Variants in CTXND1 observed in about 807,000 individuals in gnomAD.
The protein encoded by CTXND1 is cortexin domain-containing 1 protein.
At chr15:80,202,110 C>T (rs965383404) in intron 2 of CTXND1, 96 bp from the exon 3 acceptor site, 3 of 395,674 alleles carry the variant, frequency 7.6e-6, no homozygotes, top group Middle Eastern at 6.3e-4. Flanking sequence ...TATCTGCTAC[C>T]CCTGCACCGA....
intron 1 of CTXND1, among the ~76,000 whole-genome samples, chr15:80,240,864 T>C (rs1893557382): frequency 6.6e-6 from 1 of 152,194 alleles, no homozygotes; most frequent in African/African-American, 2.4e-5. Flanking sequence ...AGCATCCGGA[T>C]ATCCTGGTAC....
At chr15:80,220,117 TC>T (rs1893296610) in intron 1 of CTXND1, among the ~76,000 whole-genome samples, 1 of 112,090 alleles carries the variant, frequency 8.9e-6, no homozygotes, top group Admixed American at 8.5e-5. Flanking sequence ...TATCTATCTA[TC>T]TATCTATCTA....
At chr15:80,219,146 C>T (rs184792343) in intron 1 of CTXND1, among the ~76,000 whole-genome samples, 2 of 149,964 alleles carry the variant, frequency 1.3e-5, no homozygotes, top group Admixed American at 6.6e-5. Context: ...GGTCTCACTA[C>T]GTTGCCCAGG....
intron 1 of CTXND1, among the ~76,000 whole-genome samples, chr15:80,204,169 A>AAATATATAT (rs1555443860): frequency 6.1e-5 from 4 of 65,194 alleles, no homozygotes; most frequent in Non-Finnish European, 4.9e-5. Flanking sequence ...AAAAAAAAAA[A>AAATATATAT]ATATATATAT....
intron 1 of CTXND1, among the ~76,000 whole-genome samples, chr15:80,239,274 T>C (rs574211519): frequency 6.6e-6 from 1 of 152,236 alleles, no homozygotes; most frequent in African/African-American, 2.4e-5. Flanking sequence ...CTATGCCCTC[T>C]GGTTACCACC....
intron 1 of CTXND1, among the ~76,000 whole-genome samples, chr15:80,209,630 G>C (rs934870847): frequency 6.6e-6 from 1 of 152,220 alleles, no homozygotes; most frequent in Admixed American, 6.5e-5. Context: ...CCTGCCAAAT[G>C]CTGTGAGAAA....
intron 1 of CTXND1, among the ~76,000 whole-genome samples, chr15:80,244,199 T>G (rs758506858): frequency 1.3e-5 from 2 of 152,336 alleles, no homozygotes; most frequent in East Asian, 3.9e-4. Flanking sequence ...ACGTAAGTAA[T>G]CCTACTTATA....
intron 1 of CTXND1, among the ~76,000 whole-genome samples, chr15:80,206,890 A>C (rs967194918): frequency 2.0e-5 from 3 of 152,118 alleles, no homozygotes; most frequent in Admixed American, 6.6e-5. Context: ...AAGGCTTCCC[A>C]CCAGTCCTTT....
At chr15:80,202,173 T>G (rs1262810931) in intron 2 of CTXND1, among the ~76,000 whole-genome samples, 159 bp from the exon 3 acceptor site, 2 of 145,362 alleles carry the variant, frequency 1.4e-5, no homozygotes, top group East Asian at 4.2e-4. Context: ...TGGGTACACA[T>G]GGACCCACAT....
chr15:80,223,560 C>A (rs184891280), intron 1 of CTXND1, among the ~76,000 whole-genome samples: 1 of 152,144 alleles, frequency 6.6e-6, no homozygotes, highest in African/African-American at 2.4e-5. Flanking sequence ...TATATGTATC[C>A]ATTTCTATTA....
intron 1 of CTXND1, among the ~76,000 whole-genome samples, chr15:80,230,747 G>A (rs1266462567): frequency 6.6e-6 from 1 of 152,082 alleles, no homozygotes; most frequent in African/African-American, 2.4e-5. Flanking sequence ...TTAAAAGTAT[G>A]GGTATTTAAA....
chr15:80,240,550 GA>G (rs1200840865), intron 1 of CTXND1, among the ~76,000 whole-genome samples: 1 of 152,206 alleles, frequency 6.6e-6, no homozygotes, highest in Non-Finnish European at 1.5e-5. Context: ...GTTAGCAATG[GA>G]ATCAGTTCCT....
chr15:80,216,181 TG>T (rs1893251156), intron 1 of CTXND1, among the ~76,000 whole-genome samples: 1 of 152,210 alleles, frequency 6.6e-6, no homozygotes, highest in African/African-American at 2.4e-5. Context: ...TCTCCAGGGC[TG>T]GGGCGGCACC....
intron 1 of CTXND1, among the ~76,000 whole-genome samples, chr15:80,238,461 G>A (rs530565235): frequency 1.3e-5 from 2 of 151,794 alleles, no homozygotes; most frequent in Admixed American, 6.6e-5. Flanking sequence ...AAGAAGCAGC[G>A]GGCAGACTTT....
intron 1 of CTXND1, among the ~76,000 whole-genome samples, chr15:80,230,037 C>A (rs140174492): frequency 6.6e-6 from 1 of 152,168 alleles, no homozygotes; most frequent in Non-Finnish European, 1.5e-5. Context: ...ATTATTTGAA[C>A]GACTTGGAAC....
At chr15:80,222,501 A>G (rs1301930386) in intron 1 of CTXND1, among the ~76,000 whole-genome samples, 1 of 152,138 alleles carries the variant, frequency 6.6e-6, no homozygotes, top group Non-Finnish European at 1.5e-5. Flanking sequence ...ACAATATCCA[A>G]TTCATGGTCA....
At chr15:80,250,259 G>A (rs555040166) in intron 1 of CTXND1, among the ~76,000 whole-genome samples, 1 of 152,064 alleles carries the variant, frequency 6.6e-6, no homozygotes, top group African/African-American at 2.4e-5. Context: ...GTAAGGAAAG[G>A]AACTGGAAAG....
intron 1 of CTXND1, among the ~76,000 whole-genome samples, chr15:80,213,910 T>C (rs1893225869): frequency 1.3e-5 from 2 of 152,058 alleles, no homozygotes; most frequent in Admixed American, 1.3e-4. Flanking sequence ...CAATAAAAAA[T>C]TGCTTGAAGA....
At chr15:80,202,091 G>T (rs752694681) in intron 2 of CTXND1, 77 bp from the exon 3 acceptor site, 47 of 396,756 alleles carry the variant, frequency 1.2e-4, no homozygotes, top group Non-Finnish European at 1.9e-4. Flanking sequence ...ACCAACCTCT[G>T]CTCCCTCTTA....
Sources: gnomAD v4.1 joint callset for allele counts (sites outside exome capture counted in the v4.1 genomes callset) on GRCh38, gnomAD v4.1.1 for gene constraint, MANE v1.5 for transcripts, NCBI Gene and HGNC (gene_info 2026-07-23, HGNC 2026-07-21) for gene names.